WWP2: variants seen among roughly 807,000 people sequenced by gnomAD.
The protein encoded by WWP2 is WW domain containing E3 ubiquitin protein ligase 2, also known as NEDD4-like E3 ubiquitin-protein ligase WWP2.
In WWP2, 57 loss-of-function variants were observed where a neutral mutation model predicts 121.0. The observed-to-expected ratio is 0.47, with a 90% CI of 0.38 to 0.59. WWP2 has a LOEUF of 0.59. WWP2 is among the 20% of genes least tolerant of loss of function. The pLI is 0.00. For missense variants in WWP2, 962 were observed against 1,158.9 expected, an observed-to-expected ratio of 0.83 and a Z score of 2.47; for synonymous variants, 449 against 441.3, an observed-to-expected ratio of 1.02 and a Z score of -0.22.
intron 1 of WWP2, among the ~76,000 whole-genome samples, chr16:69,786,482 G>A (rs1339652980): frequency 8.7e-6 from 1 of 114,438 alleles, no homozygotes; most frequent in Admixed American, 1.2e-4. Flanking sequence ...ATGGAGTTTC[G>A]CTCTTGTCAC....
intron 2 of WWP2, 102 bp from the exon 3 acceptor site, chr16:69,798,580 A>C (rs2056096253): frequency 7.4e-7 from 1 of 1,347,428 alleles, no homozygotes. Context: ...GTATTGATTT[A>C]TTTTTTAAAG....
chr16:69,866,502 C>T (rs1019769275), intron 6 of WWP2, among the ~76,000 whole-genome samples: 11 of 151,978 alleles, frequency 7.2e-5, no homozygotes, highest in Non-Finnish European at 1.3e-4. Flanking sequence ...ACCATCATCC[C>T]GCTTTCTCAC....
At chr16:69,881,745 G>A (rs1233006890) in intron 7 of WWP2, among the ~76,000 whole-genome samples, 1 of 152,180 alleles carries the variant, frequency 6.6e-6, no homozygotes, top group East Asian at 1.9e-4. Flanking sequence ...AGGCTGGAGT[G>A]CAATGGCATG....
chr16:69,803,960 T>C (rs933654261), intron 4 of WWP2, among the ~76,000 whole-genome samples: 1 of 152,118 alleles, frequency 6.6e-6, no homozygotes, highest in Non-Finnish European at 1.5e-5. Flanking sequence ...TCCACCCTAC[T>C]TTTTAAAGCT....
chr16:69,836,292 CT>C (rs66633306), intron 4 of WWP2, among the ~76,000 whole-genome samples: 121,734 of 145,882 alleles, frequency 0.83, 50,743 homozygotes, highest in Admixed American at 0.9. Context: ...ATCCTGCCTC[CT>C]TTTTTTTTTT....
At chr16:69,796,857 T>A (rs910907387) in intron 2 of WWP2, among the ~76,000 whole-genome samples, 4 of 152,368 alleles carry the variant, frequency 2.6e-5, no homozygotes, top group African/African-American at 7.2e-5. Context: ...CTTCTGTTCC[T>A]TTGGGGCCAG....
intron 4 of WWP2, among the ~76,000 whole-genome samples, chr16:69,805,779 CTT>C (rs77530869): frequency 2.5e-4 from 33 of 130,566 alleles, no homozygotes; most frequent in Admixed American, 2.3e-4. Context: ...AATTTTTTTT[CTT>C]TTTTTTTTTT....
chr16:69,858,688 G>C (rs1333785275), intron 6 of WWP2, among the ~76,000 whole-genome samples: 4 of 152,122 alleles, frequency 2.6e-5, no homozygotes, highest in Admixed American at 6.6e-5. Context: ...TTTAAGGTTA[G>C]TATTGGAATC....
chr16:69,889,226 C>G (rs898351957), intron 8 of WWP2, among the ~76,000 whole-genome samples: 14 of 152,008 alleles, frequency 9.2e-5, no homozygotes, highest in Non-Finnish European at 1.9e-4. Context: ...CTGGGGAGGC[C>G]AAGGTGGGAG....
chr16:69,841,331 C>T (rs1567697305), intron 5 of WWP2, among the ~76,000 whole-genome samples: 5 of 152,058 alleles, frequency 3.3e-5, no homozygotes, highest in Admixed American at 6.6e-5. Flanking sequence ...ATCTAAGTTG[C>T]GGGGTCAGGG....
At chr16:69,938,930 C>T in intron 21 of WWP2, 97 bp from the exon 22 acceptor site, 1 of 1,146,486 alleles carries the variant, frequency 8.7e-7, no homozygotes, top group Non-Finnish European at 1.3e-6. Context: ...GTTCTCAGCC[C>T]CAAAGAGGGG....
intron 4 of WWP2, among the ~76,000 whole-genome samples, chr16:69,838,092 A>T (rs968487772): frequency 2.4e-4 from 36 of 152,102 alleles, no homozygotes; most frequent in African/African-American, 8.0e-4. Flanking sequence ...CAAAAAACAA[A>T]TACAGTGAAT....
At chr16:69,929,761 G>A (rs904157811) in intron 12 of WWP2, among the ~76,000 whole-genome samples, 16 of 152,174 alleles carry the variant, frequency 1.1e-4, no homozygotes, top group Non-Finnish European at 1.0e-4. Flanking sequence ...CCCGGCTGGC[G>A]GGTGTTGCTG....
At chr16:69,807,842 C>G (rs762310233) in intron 4 of WWP2, among the ~76,000 whole-genome samples, 1 of 151,606 alleles carries the variant, frequency 6.6e-6, no homozygotes, top group African/African-American at 2.4e-5. Context: ...ACCTGTAGTC[C>G]CAGCTACTTG....
chr16:69,790,090 CA>C (rs2055876509), intron 2 of WWP2, among the ~76,000 whole-genome samples: 1 of 151,972 alleles, frequency 6.6e-6, no homozygotes, highest in East Asian at 1.9e-4. Flanking sequence ...TAAAAATACA[CA>C]AAAAAATTAG....
intron 7 of WWP2, among the ~76,000 whole-genome samples, chr16:69,874,962 C>T (rs116857982): frequency 0.053 from 8,014 of 151,380 alleles, 275 homozygotes; most frequent in Middle Eastern, 0.11. Flanking sequence ...GCAGATGTTG[C>T]AGTGAGCTGA....
rs752977876 is a variant in WWP2, at chr16:69,799,152, G to C, written c.219-22G>C. The C allele has an allele frequency of 6.9e-6, 11 of 1,605,526 alleles. No homozygotes were observed. Among genetic ancestry groups the C allele is most frequent in the Middle Eastern group, 1.7e-4 (1 of 6,028 alleles). On this transcript the variant is annotated intron_variant, in intron 3 of 23. Coordinates refer to ENST00000359154, the MANE Select transcript of WWP2 (RefSeq NM_001270454.2). This position sits in a 1 kb window ranked among gnomAD's most constrained non-coding sequence, Gnocchi z 4.5. ...TAGGAATGATCTGCTTGGATGTAAT[G>C]AATCAGGTATTTGTTTTTCAGGAAT...
chr16:69,873,152 A>G (rs1198487538), intron 7 of WWP2, among the ~76,000 whole-genome samples: 1 of 152,236 alleles, frequency 6.6e-6, no homozygotes, highest in Non-Finnish European at 1.5e-5. Context: ...CCAGAGCAGC[A>G]TGGCTTTTCA....
chr16:69,791,372 CA>C (rs1360101113), intron 2 of WWP2, among the ~76,000 whole-genome samples: 1 of 152,062 alleles, frequency 6.6e-6, no homozygotes, highest in Non-Finnish European at 1.5e-5. Flanking sequence ...GGATTACAGG[CA>C]CCTGCCACCA....
Sources: allele counts gnomAD v4.1 joint callset (sites outside exome capture counted in the v4.1 genomes callset), GRCh38; gene constraint gnomAD v4.1.1; non-coding constraint Gnocchi (gnomAD v3.1); transcripts MANE v1.5; gene names NCBI Gene and HGNC (gene_info 2026-07-23, HGNC 2026-07-21).